Variants in SLC25A13 observed in about 807,000 individuals in gnomAD.
The protein encoded by SLC25A13 is electrogenic aspartate/glutamate antiporter SLC25A13, mitochondrial.
SLC25A13 carries 70 observed loss-of-function variants against 85.5 expected under a neutral mutation model. That is an observed-to-expected ratio of 0.82 (90% CI 0.68 to 1.00). SLC25A13 has a LOEUF of 1.00. Among genes scored for constraint, SLC25A13 ranks in the 50% least tolerant of loss-of-function variants. SLC25A13 has a pLI of 0.00. For missense variants in SLC25A13, 765 were observed against 819.8 expected, an observed-to-expected ratio of 0.93 and a Z score of 0.82; for synonymous variants, 259 against 288.7, an observed-to-expected ratio of 0.90 and a Z score of 1.04.
chr7:96,142,123 C>G (rs548845877), intron 14 of SLC25A13, among the ~76,000 whole-genome samples: 168 of 152,234 alleles, frequency 1.1e-3, no homozygotes, highest in African/African-American at 3.8e-3. Flanking sequence ...AAAATATTCT[C>G]CTTTCATTTT....
At position 96,321,924 on chromosome 7, in the gene SLC25A13, C is replaced by G; in HGVS notation, c.15+18G>C. On this transcript the variant is annotated intron_variant, in intron 1 of 17. Coordinates refer to ENST00000265631, the MANE Select transcript of SLC25A13 (RefSeq NM_014251.3). ...GATCCGGCAGGCGCGCTCCCCCCGGCCTCGGGCCCGCGGTTACCTTGGCGG... is the reference window on the plus strand; with the variant it reads ...GATCCGGCAGGCGCGCTCCCCCCGGGCTCGGGCCCGCGGTTACCTTGGCGG... 1 of 1,530,418 alleles carries G rather than the reference C, an allele frequency of 6.5e-7. No individual in the cohort carries two copies. Among genetic ancestry groups the G allele is most frequent in the East Asian group, 2.6e-5 (1 of 38,244 alleles). 94.8% of individuals were successfully genotyped at this position (1,530,418 alleles called of 1,614,324 possible). A position where few individuals can be genotyped will look rare whatever the true frequency, so the allele number is the denominator to read the frequency against.
intron 2 of SLC25A13, among the ~76,000 whole-genome samples, chr7:96,280,761 C>T (rs561018327): frequency 1.4e-4 from 21 of 152,034 alleles, no homozygotes; most frequent in Non-Finnish European, 1.0e-4. Context: ...GCCATACCCC[C>T]AAGATAACGA....
rs893029123 is a variant in SLC25A13, at chr7:96,173,813, C to T, written c.1178-2289G>A. On this transcript the variant is annotated intron_variant, in intron 11 of 17. Coordinates refer to ENST00000265631, the MANE Select transcript of SLC25A13 (RefSeq NM_014251.3). Reference sequence around the variant, plus strand: ...CAATGTAAAACACCTAAAAGACACGCAAATCAAGAGTTCAGCAACCTGAGC... The same window carrying T: ...CAATGTAAAACACCTAAAAGACACGTAAATCAAGAGTTCAGCAACCTGAGC... 3.3e-5 allele frequency among the ~76,000 whole-genome samples: 5 copies of T among 152,154 alleles called. No homozygotes were observed. The South Asian group carries it at 8.3e-4, about 25-fold the overall frequency.
chr7:96,252,537 T>A (rs1797472930), intron 3 of SLC25A13, among the ~76,000 whole-genome samples: 1 of 152,044 alleles, frequency 6.6e-6, no homozygotes, highest in African/African-American at 2.4e-5. Context: ...GTAGAAGTTA[T>A]GAAGTATTTA....
At chr7:96,157,705 G>A (rs1392004970) in intron 13 of SLC25A13, among the ~76,000 whole-genome samples, 1 of 152,138 alleles carries the variant, frequency 6.6e-6, no homozygotes, top group African/African-American at 2.4e-5. Context: ...TTGGGAGGCT[G>A]AGGCAGAATT....
At chr7:96,238,299 C>A (rs554212675) in intron 3 of SLC25A13, among the ~76,000 whole-genome samples, 1 of 152,188 alleles carries the variant, frequency 6.6e-6, no homozygotes, top group Non-Finnish European at 1.5e-5. Flanking sequence ...GAAAGAAGCA[C>A]GGAACAGATT....
At chr7:96,224,457 G>A (rs77908577) in intron 4 of SLC25A13, among the ~76,000 whole-genome samples, 4,999 of 152,158 alleles carry the variant, frequency 0.033, 205 homozygotes, top group African/African-American at 0.096. Flanking sequence ...TCAATCAAGG[G>A]CCTCCTCTAC....
At chr7:96,216,513 G>C (rs13234212) in intron 4 of SLC25A13, among the ~76,000 whole-genome samples, 7 of 152,076 alleles carry the variant, frequency 4.6e-5, no homozygotes, top group Admixed American at 3.9e-4. Context: ...GCCTATCAAC[G>C]ATAGAGTGGA....
intron 3 of SLC25A13, among the ~76,000 whole-genome samples, chr7:96,238,619 C>T (rs905904220): frequency 2.6e-5 from 4 of 152,126 alleles, no homozygotes; most frequent in East Asian, 3.9e-4. Context: ...AGGAATTCAC[C>T]GACAGGCCCG....
intron 1 of SLC25A13, among the ~76,000 whole-genome samples, chr7:96,304,242 T>A (rs952135657): frequency 3.9e-5 from 6 of 152,172 alleles, no homozygotes; most frequent in African/African-American, 1.2e-4. Context: ...AACCACAACA[T>A]TTCTATGTAA....
intron 4 of SLC25A13, among the ~76,000 whole-genome samples, chr7:96,229,038 G>C (rs1387055436): frequency 6.6e-6 from 1 of 152,166 alleles, no homozygotes; most frequent in Non-Finnish European, 1.5e-5. Flanking sequence ...AACGGGTGCC[G>C]CCCCCTGCTC....
chr7:96,231,771 A>G (rs1796550473), intron 4 of SLC25A13, among the ~76,000 whole-genome samples: 1 of 151,990 alleles, frequency 6.6e-6, no homozygotes, highest in Non-Finnish European at 1.5e-5. Flanking sequence ...ATGAACAGAT[A>G]TTTTCAAAAG....
chr7:96,247,604 G>C (rs1239784619), intron 3 of SLC25A13, among the ~76,000 whole-genome samples: 1 of 151,846 alleles, frequency 6.6e-6, no homozygotes, highest in African/African-American at 2.4e-5. Context: ...ACTCAAATTC[G>C]GCAACAAAAT....
Position 96,167,914 on chromosome 7 carries a change from A to G in SLC25A13, c.1311+2131T>C, listed in dbSNP as rs570642039. ...GGAGATTGAGACCATCCTGGCCAAC[A>G]TGGTGAAACCTAGTCTCTACTAAAA... On this transcript the variant is annotated intron_variant, in intron 13 of 17. Transcript: ENST00000265631. 2.6e-4 allele frequency among the ~76,000 whole-genome samples: 39 copies of G among 152,138 alleles called. No homozygotes were observed. The South Asian group carries it at 2.9e-3, about 11-fold the overall frequency.
intron 15 of SLC25A13, among the ~76,000 whole-genome samples, chr7:96,123,042 A>AG (rs1216426339): frequency 2.0e-5 from 3 of 152,124 alleles, no homozygotes; most frequent in Non-Finnish European, 4.4e-5. Flanking sequence ...GTGAGTTGGA[A>AG]GGGGGGTGTA....
At chr7:96,244,819 T>C (rs1797125093) in intron 3 of SLC25A13, among the ~76,000 whole-genome samples, 1 of 152,356 alleles carries the variant, frequency 6.6e-6, no homozygotes, top group Admixed American at 6.5e-5. Context: ...AGATTGAATA[T>C]TGTTCAAACA....
intron 2 of SLC25A13, among the ~76,000 whole-genome samples, chr7:96,277,968 C>T (rs573680717): frequency 6.6e-6 from 1 of 152,240 alleles, no homozygotes; most frequent in East Asian, 1.9e-4. Flanking sequence ...TGGAGGGAGG[C>T]AGTAAATGCT....
intron 4 of SLC25A13, among the ~76,000 whole-genome samples, chr7:96,221,011 T>G (rs1796107181): frequency 6.6e-6 from 1 of 152,072 alleles, no homozygotes; most frequent in Admixed American, 6.5e-5. Context: ...TAAAATGGAG[T>G]GATGAAGTAG....
At chr7:96,177,530 C>T (rs1794269227) in intron 11 of SLC25A13, among the ~76,000 whole-genome samples, 1 of 152,164 alleles carries the variant, frequency 6.6e-6, no homozygotes, top group Non-Finnish European at 1.5e-5. Context: ...TAATTGTGGA[C>T]AAGTTACCTA....
Sources: gnomAD v4.1 joint callset for allele counts (sites outside exome capture counted in the v4.1 genomes callset) on GRCh38, gnomAD v4.1.1 for gene constraint, MANE v1.5 for transcripts, NCBI Gene and HGNC (gene_info 2026-07-23, HGNC 2026-07-21) for gene names.